Variants in HPX observed in about 807,000 individuals in gnomAD.
HPX encodes the protein hemopexin.
A neutral mutation model predicts 53.8 loss-of-function variants in HPX; 42 were observed. That is an observed-to-expected ratio of 0.78 (90% CI 0.61 to 1.01). The LOEUF is 1.01. HPX is among the 50% of genes least tolerant of loss of function. The pLI, the probability that HPX is intolerant of heterozygous loss-of-function variation, is 0.00. For synonymous variants in HPX, 229 were observed against 221.1 expected, an observed-to-expected ratio of 1.04 and a Z score of -0.32; for missense variants, 547 against 594.3, an observed-to-expected ratio of 0.92 and a Z score of 0.83.
At position 6,431,889 on chromosome 11, in the gene HPX, G is replaced by C; in HGVS notation, c.964C>G (p.Gln322Glu). ...CAAGCCTCTCCCCCAATACACACCT[G>C]GACCAGATAGAGTTTTTCTTCCCAG... is the stretch of plus-strand genomic sequence containing the variant. Reference protein sequence around the residue: ...FSWEEKLYLVQGTQVYVFLTK... With the variant: ...FSWEEKLYLVEGTQVYVFLTK... The change falls in exon 8 of 10, where the codon CAG (glutamine) becomes GAG (glutamate). Residue 322 changes from glutamine to glutamate, a missense_variant and splice_region_variant. Coordinates refer to ENST00000265983, the MANE Select transcript of HPX (RefSeq NM_000613.3). 6.2e-7 allele frequency: 1 copy of C among 1,614,114 alleles called. No individual in the cohort carries two copies.
In HPX at chr11:6,440,551, T is replaced by C; in HGVS notation, c.143-13A>G. On this transcript the variant is annotated splice_polypyrimidine_tract_variant and intron_variant, in intron 2 of 9. Transcript: ENST00000265983. ...TCTGAGCAGCGTTCTGGGGTGGAGG[T>C]AGGGAGATGGCAAAGTAAAAAAAAA... 1 of 1,262,178 alleles carries C rather than the reference T, an allele frequency of 7.9e-7. No homozygotes were observed. The highest frequency in any genetic ancestry group is 1.1e-6 in the Non-Finnish European group (1 of 916,098). 78.2% of individuals were successfully genotyped at this position (1,262,178 alleles called of 1,614,324 possible). A position where few individuals can be genotyped will look rare whatever the true frequency, so the allele number is the denominator to read the frequency against.
At chr11:6,440,591 A>C (rs1004407443) in intron 2 of HPX, 53 bp from the exon 3 acceptor site, 50 of 1,321,886 alleles carry the variant, frequency 3.8e-5, no homozygotes, top group South Asian at 5.2e-5. Context: ...AAAAAAAAAA[A>C]AAAAAAAAAA....
intron 6 of HPX, 113 bp from the exon 7 acceptor site, chr11:6,437,290 CA>C (rs1415127293): frequency 7.1e-7 from 1 of 1,406,892 alleles, no homozygotes; most frequent in Non-Finnish European, 9.8e-7. Flanking sequence ...CATATGAGGG[CA>C]ATGGGAAAAT....
chr11:6,437,746 T>A (rs1348184147), intron 5 of HPX, 94 bp from the exon 6 acceptor site: 1 of 896,634 alleles, frequency 1.1e-6, no homozygotes, highest in African/African-American at 1.6e-5. Context: ...ATAATGGTAC[T>A]GACCACATGG....
chr11:6,440,328 T>C, intron 3 of HPX, 42 bp from the exon 4 acceptor site: 3 of 1,611,844 alleles, frequency 1.9e-6, no homozygotes, highest in Non-Finnish European at 2.5e-6. Flanking sequence ...GTGAGAAACC[T>C]TTGACCTACT....
intron 7 of HPX, among the ~76,000 whole-genome samples, chr11:6,434,379 G>C (rs778616394): frequency 2.0e-5 from 3 of 152,010 alleles, no homozygotes; most frequent in Non-Finnish European, 4.4e-5. Context: ...ACCCAGGCTG[G>C]ATTGCAGAGG....
rs776076287 is a variant in HPX at position 6,440,276 on chromosome 11, C to T, written c.225G>A (p.Val75=). The change falls in exon 4 of 10, where the codon GTG becomes GTA. Residue 75 remains valine (V), a synonymous_variant. Transcript: ENST00000265983. ...CCCGGTCCCATTTGTGACTCTTCCACACAAACTCCCCTGAAAAAACCCACA... is the reference window on the plus strand; with the variant it reads ...CCCGGTCCCATTTGTGACTCTTCCATACAAACTCCCCTGAAAAAACCCACA... ...GTMLFFKGEF[V]WKSHKWDREL... 9 of 1,613,934 alleles carry T rather than the reference C, an allele frequency of 5.6e-6. No individual in the cohort carries two copies. Among genetic ancestry groups the T allele is most frequent in the Middle Eastern group, 1.7e-4 (1 of 6,056 alleles).
intron 6 of HPX, 102 bp downstream of exon 6, chr11:6,437,338 G>T: frequency 7.3e-7 from 1 of 1,368,666 alleles, no homozygotes; most frequent in Non-Finnish European, 1.0e-6. Flanking sequence ...GGGCCAAGGT[G>T]TCGCAACACG....
intron 7 of HPX, among the ~76,000 whole-genome samples, chr11:6,436,176 G>A (rs1451285014): frequency 6.6e-6 from 1 of 152,200 alleles, no homozygotes; most frequent in Non-Finnish European, 1.5e-5. Context: ...ATGTGGTGAT[G>A]TATTTTTCAA....
rs1849476886 is a variant in HPX at position 6,440,931 on chromosome 11, C to T, written c.33G>A (p.Leu11=). 5 of 1,610,974 alleles carry T rather than the reference C, an allele frequency of 3.1e-6. No individual in the cohort carries two copies. Among genetic ancestry groups the T allele is most frequent in the Non-Finnish European group, 4.2e-6 (5 of 1,178,614 alleles). MARVLGAPVA[L]GLWSLCWSLA... ...GAGACCAGCATAGGCTCCACAACCCCAGTGCAACGGGTGCTCCCAGTACCC... is the reference window on the plus strand; with the variant it reads ...GAGACCAGCATAGGCTCCACAACCCTAGTGCAACGGGTGCTCCCAGTACCC... The change falls in exon 1 of 10, where the codon CTG becomes CTA. Residue 11 remains leucine, a synonymous_variant. Transcript: ENST00000265983.
At chr11:6,435,287 C>A (rs2134134113) in intron 7 of HPX, among the ~76,000 whole-genome samples, 1 of 151,724 alleles carries the variant, frequency 6.6e-6, no homozygotes, top group South Asian at 2.1e-4. Context: ...ACAACAGCAA[C>A]AACAACAACA....
In HPX at chr11:6,440,517, C is replaced by T; in HGVS notation, c.164G>A (p.Ser55Asn). Reference sequence around the variant, plus strand: ...GTCATCCAGGGTGGTAGCATCAAAGCTCCAGCCATCTGAGCAGCGTTCTGG... The same window carrying T: ...GTCATCCAGGGTGGTAGCATCAAAGTTCCAGCCATCTGAGCAGCGTTCTGG... ...DVTERCSDGW[S>N]FDATTLDDNG... is the part of the protein sequence containing the mutation. Residue 55 changes from serine (S) to asparagine (N), a missense_variant, in exon 3 of 10, where the codon AGC (serine) becomes AAC (asparagine). Physicochemically the swap from Ser to Asn is conservative, Grantham distance 46 (BLOSUM62 1). Coordinates refer to ENST00000265983, the MANE Select transcript of HPX (RefSeq NM_000613.3). 6 of 1,562,872 alleles carry T rather than the reference C, an allele frequency of 3.8e-6. No homozygotes were observed. Among genetic ancestry groups the T allele is most frequent in the Non-Finnish European group, 5.2e-6 (6 of 1,154,612 alleles).
Position 6,440,502 on chromosome 11 carries a change from G to A in HPX, c.179C>T (p.Thr60Ile). The change falls in exon 3 of 10, where the codon ACC becomes ATC. Residue 60 changes from threonine to isoleucine, a missense_variant. Thr to Ile is a moderately conservative substitution (Grantham distance 89, BLOSUM62 -1). Transcript: ENST00000265983. The stretch of plus-strand genomic sequence containing the variant: ...CAGCATGGTTCCATTGTCATCCAGG[G>A]TGGTAGCATCAAAGCTCCAGCCATC... ...CSDGWSFDAT[T>I]LDDNGTMLFF... 1.3e-6 allele frequency: 2 copies of A among 1,592,440 alleles called. No homozygotes were observed. Among genetic ancestry groups the A allele is most frequent in the South Asian group, 1.1e-5 (1 of 90,352 alleles).
At chr11:6,440,567 T>TGAAAA in intron 2 of HPX, 29 bp from the exon 3 acceptor site, 1 of 588,998 alleles carries the variant, frequency 1.7e-6, no homozygotes, top group Non-Finnish European at 2.7e-6. Flanking sequence ...GATGGCAAAG[T>TGAAAA]AAAAAAAAAA....
chr11:6,440,349 G>A (rs1372313557), intron 3 of HPX, 63 bp from the exon 4 acceptor site: 1 of 1,605,518 alleles, frequency 6.2e-7, no homozygotes, highest in Admixed American at 1.7e-5. Context: ...GAGATAGCTT[G>A]AGAGAAGCTG....
chr11:6,438,628 CAG>C (rs1432351211), intron 4 of HPX, 119 bp from the exon 5 acceptor site: 2 of 890,628 alleles, frequency 2.2e-6, no homozygotes, highest in Non-Finnish European at 3.5e-6. Context: ...TACACATTCT[CAG>C]TCCATCTGTG....
chr11:6,438,153 A>T (rs1020659930), intron 5 of HPX: 1 of 623,566 alleles, frequency 1.6e-6, no homozygotes, highest in Non-Finnish European at 2.8e-6. Context: ...TTCACACAGA[A>T]TTACACACAG....
intron 4 of HPX, chr11:6,439,554 G>C (rs1849459205): frequency 6.4e-6 from 1 of 156,406 alleles, no homozygotes; most frequent in African/African-American, 2.4e-5. Flanking sequence ...GATCACTGAG[G>C]GAAGGTATAT....
intron 2 of HPX, 39 bp downstream of exon 2, chr11:6,440,633 C>CCAGA: frequency 6.8e-7 from 1 of 1,481,064 alleles, no homozygotes; most frequent in Non-Finnish European, 9.3e-7. Context: ...AGAGACACAA[C>CCAGA]CAGACAGATA....
Sources: gnomAD v4.1 joint callset for allele counts (sites outside exome capture counted in the v4.1 genomes callset) on GRCh38, gnomAD v4.1.1 for gene constraint, MANE v1.5 for transcripts, NCBI Gene and HGNC (gene_info 2026-07-23, HGNC 2026-07-21) for gene names.